MTA3: variants seen among roughly 807,000 people sequenced by gnomAD.
The protein encoded by MTA3 is metastasis-associated protein MTA3.
MTA3 carries 34 observed loss-of-function variants against 83.5 expected under a neutral mutation model. That is an observed-to-expected ratio of 0.41 (90% CI 0.31 to 0.54). The LOEUF is 0.54. Among genes scored for constraint, MTA3 ranks in the 20% least tolerant of loss-of-function variants. MTA3 has a pLI of 0.33. For synonymous variants in MTA3, 303 were observed against 252.7 expected (o/e 1.20, Z -1.89); for missense variants, 761 against 726.4 (o/e 1.05, Z -0.55).
At chr2:42,676,844 T>C (rs1691407265) in intron 8 of MTA3, among the ~76,000 whole-genome samples, 1 of 152,240 alleles carries the variant, frequency 6.6e-6, no homozygotes, top group Admixed American at 6.5e-5. Flanking sequence ...GTTTTTTCAT[T>C]TATTGTAAAT....
chr2:42,501,820 G>C (rs764037998), intron 2 of MTA3, among the ~76,000 whole-genome samples: 1 of 151,896 alleles, frequency 6.6e-6, no homozygotes, highest in Non-Finnish European at 1.5e-5. Flanking sequence ...TCTCCTAAAA[G>C]TACAAAAATT....
At chr2:42,649,451 G>C (rs1688507303) in intron 6 of MTA3, among the ~76,000 whole-genome samples, 1 of 151,392 alleles carries the variant, frequency 6.6e-6, no homozygotes, top group Non-Finnish European at 1.5e-5. Flanking sequence ...CACACTCTTT[G>C]AGTGTTAAAG....
At chr2:42,617,645 G>A (rs867669827) in intron 4 of MTA3, among the ~76,000 whole-genome samples, 22 of 151,986 alleles carry the variant, frequency 1.4e-4, no homozygotes, top group African/African-American at 4.1e-4. Flanking sequence ...GCCTGGTGGC[G>A]CATGCCTGTA....
chr2:42,714,494 A>G (rs1489394539), intron 14 of MTA3, among the ~76,000 whole-genome samples: 1 of 152,164 alleles, frequency 6.6e-6, no homozygotes, highest in East Asian at 1.9e-4. Flanking sequence ...TTGAATGCAC[A>G]TGTGGGATGT....
intron 2 of MTA3, among the ~76,000 whole-genome samples, chr2:42,545,612 T>C (rs1676726520): frequency 6.6e-6 from 1 of 152,072 alleles, no homozygotes; most frequent in South Asian, 2.1e-4. Context: ...AAAATAAGGG[T>C]ATAAGGCCTA....
upstream of MTA3, chr2:42,568,271 C>T (rs1022446373): frequency 6.5e-6 from 1 of 154,746 alleles, no homozygotes; most frequent in African/African-American, 2.4e-5. Context: ...TGACGGGGTA[C>T]CCTGGGTGGG....
intron 2 of MTA3, among the ~76,000 whole-genome samples, chr2:42,531,902 GCCTGCCACCACAC>G (rs1675995939): frequency 6.6e-6 from 1 of 152,050 alleles, no homozygotes; most frequent in African/African-American, 2.4e-5. Flanking sequence ...GACTACAGGT[GCCTGCCACCACAC>G]CCAGCTAATT....
intron 3 of MTA3, among the ~76,000 whole-genome samples, chr2:42,586,879 TG>T (rs1259495590): frequency 6.6e-6 from 1 of 152,066 alleles, no homozygotes; most frequent in Non-Finnish European, 1.5e-5. Flanking sequence ...AAAAATTAGC[TG>T]GGTATGGTGG....
At chr2:42,536,977 A>G (rs1676275221) in intron 2 of MTA3, among the ~76,000 whole-genome samples, 1 of 152,158 alleles carries the variant, frequency 6.6e-6, no homozygotes, top group South Asian at 2.1e-4. Flanking sequence ...AAGGGAATAC[A>G]GTGGATCCCA....
In MTA3 at chr2:42,595,754, A is replaced by G. The variant is rs540322822; in HGVS notation, c.191-13704A>G. Among the ~76,000 whole-genome samples, 23 of 152,336 alleles carry G rather than the reference A, an allele frequency of 1.5e-4. No homozygotes were observed. In the South Asian group the frequency reaches 4.3e-3, roughly 29 times the overall value. ...CATAGGACTGGAAAAAATTTTAAAAATTATTATTGTAACTTTTTACTTAGT... is the reference window on the plus strand; with the variant it reads ...CATAGGACTGGAAAAAATTTTAAAAGTTATTATTGTAACTTTTTACTTAGT... On this transcript the variant is annotated intron_variant, in intron 3 of 16. Coordinates refer to ENST00000405094, the MANE Select transcript of MTA3 (RefSeq NM_001330442.2).
intron 16 of MTA3, among the ~76,000 whole-genome samples, chr2:42,723,756 A>C (rs1667604868): frequency 6.6e-6 from 1 of 152,210 alleles, no homozygotes; most frequent in Non-Finnish European, 1.5e-5. Context: ...GTTGGCATTT[A>C]TTTATGAATA....
intron 4 of MTA3, among the ~76,000 whole-genome samples, chr2:42,626,425 G>A (rs1027077649): frequency 9.2e-5 from 14 of 151,410 alleles, no homozygotes; most frequent in Non-Finnish European, 1.6e-4. Flanking sequence ...CGCCTCCAGG[G>A]TAGCTGGCAT....
At chr2:42,732,986 C>A (rs557726531) in intron 16 of MTA3, among the ~76,000 whole-genome samples, 69 of 152,230 alleles carry the variant, frequency 4.5e-4, no homozygotes, top group Non-Finnish European at 8.7e-4. Context: ...TTCAGCAAGT[C>A]TGTAGGAAGT....
At chr2:42,522,105 A>G (rs191443781) in intron 2 of MTA3, among the ~76,000 whole-genome samples, 149 of 152,272 alleles carry the variant, frequency 9.8e-4, no homozygotes, top group Non-Finnish European at 7.4e-4. Flanking sequence ...TCCAAGTCCA[A>G]ATAAATACAT....
intron 4 of MTA3, among the ~76,000 whole-genome samples, chr2:42,622,224 G>A (rs989021930): frequency 3.3e-5 from 5 of 152,150 alleles, no homozygotes; most frequent in Non-Finnish European, 5.9e-5. Context: ...CCAACACAGC[G>A]AAACCCCGTC....
At chr2:42,598,951 C>T (rs1025894651) in intron 3 of MTA3, among the ~76,000 whole-genome samples, 2 of 152,140 alleles carry the variant, frequency 1.3e-5, no homozygotes, top group Admixed American at 1.3e-4. Context: ...GTTGTCCCTT[C>T]CAGCCAGGAA....
At chr2:42,709,172 T>TTTTG (rs1486310721) in intron 14 of MTA3, 76 bp downstream of exon 14, 18 of 1,497,204 alleles carry the variant, frequency 1.2e-5, no homozygotes, top group Non-Finnish European at 1.6e-5. Context: ...TTCCTTTTTT[T>TTTTG]TTTGTTTGTT....
At chr2:42,596,250 T>C (rs1482482405) in intron 3 of MTA3, among the ~76,000 whole-genome samples, 1 of 152,334 alleles carries the variant, frequency 6.6e-6, no homozygotes, top group East Asian at 1.9e-4. Flanking sequence ...CCTGCTACTC[T>C]CCTTTTGCAG....
chr2:42,679,798 A>T (rs1054695457), intron 8 of MTA3, among the ~76,000 whole-genome samples: 5 of 151,956 alleles, frequency 3.3e-5, no homozygotes, highest in Non-Finnish European at 7.4e-5. Context: ...CATCAGACAA[A>T]CAGAATATCT....
Sources: gnomAD v4.1 joint callset for allele counts (sites outside exome capture counted in the v4.1 genomes callset) on GRCh38, gnomAD v4.1.1 for gene constraint, MANE v1.5 for transcripts, NCBI Gene and HGNC (gene_info 2026-07-23, HGNC 2026-07-21) for gene names.